Variants in EIPR1 observed in about 807,000 individuals in gnomAD.
The protein encoded by EIPR1 is EARP and GARP complex-interacting protein 1.
In EIPR1, 25 loss-of-function variants were observed where a neutral mutation model predicts 48.1. The observed-to-expected ratio is 0.52, with a 90% confidence interval of 0.38 to 0.73. EIPR1 has a LOEUF of 0.73. Ranked by LOEUF, EIPR1 falls within the 30% of genes least tolerant of loss-of-function variation. EIPR1 has a pLI of 0.00. For synonymous variants in EIPR1, 204 were observed against 201.9 expected (o/e 1.01, Z -0.09); for missense variants, 415 against 506.2 (o/e 0.82, Z 1.73).
intron 4 of EIPR1, among the ~76,000 whole-genome samples, chr2:3,230,877 A>G (rs1205859757): frequency 3.3e-5 from 5 of 152,168 alleles, no homozygotes; most frequent in Non-Finnish European, 5.9e-5. Context: ...TTCTGTTTCT[A>G]TGGATAAATG....
chr2:3,205,030 A>G (rs1665181654), intron 5 of EIPR1, among the ~76,000 whole-genome samples: 1 of 152,242 alleles, frequency 6.6e-6, no homozygotes, highest in African/African-American at 2.4e-5. Context: ...GGAAGCACGC[A>G]CCACCCTCTC....
chr2:3,251,177 A>G (rs1183258669), intron 4 of EIPR1, among the ~76,000 whole-genome samples: 1 of 152,186 alleles, frequency 6.6e-6, no homozygotes, highest in Non-Finnish European at 1.5e-5. Context: ...CACAGAGGGA[A>G]CTCATCTGAA....
intron 3 of EIPR1, among the ~76,000 whole-genome samples, chr2:3,291,579 A>T (rs1256192778): frequency 2.0e-5 from 3 of 152,194 alleles, no homozygotes; most frequent in African/African-American, 4.8e-5. Context: ...CTCCTAAAAA[A>T]TTGGTTTTTA....
chr2:3,189,609 G>T lies in EIPR1; in HGVS notation c.990-101C>A. The T allele has an allele frequency of 8.6e-7, 1 of 1,165,442 alleles. No individual in the cohort carries two copies. The highest frequency in any genetic ancestry group is 1.2e-6 in the Non-Finnish European group (1 of 864,110). 72.2% of individuals were successfully genotyped at this position (1,165,442 alleles called of 1,614,324 possible). Reference sequence around the variant, plus strand: ...GCGCTGACATCGGGAGACACGGGAGGTACTGGGGCCTCAGCTTTCTCCGCT... The same window carrying T: ...GCGCTGACATCGGGAGACACGGGAGTTACTGGGGCCTCAGCTTTCTCCGCT... On this transcript the variant is annotated intron_variant, in intron 8 of 8. Coordinates refer to ENST00000382125, the MANE Select transcript of EIPR1 (RefSeq NM_003310.5). The surrounding 1 kb of genome is among the most constrained non-coding windows in gnomAD (Gnocchi z 4.6).
At chr2:3,202,774 C>G (rs1665094418) in intron 5 of EIPR1, among the ~76,000 whole-genome samples, 1 of 152,222 alleles carries the variant, frequency 6.6e-6, no homozygotes, top group African/African-American at 2.4e-5. Context: ...AAATGGAGCA[C>G]CGCTTGCGTC....
chr2:3,239,816 T>C (rs1316135852), intron 4 of EIPR1, among the ~76,000 whole-genome samples: 9 of 152,390 alleles, frequency 5.9e-5, no homozygotes, highest in East Asian at 5.8e-4. Context: ...TCTTATTTTC[T>C]TTCCATCTCC....
At chr2:3,260,004 C>T (rs1233868652) in intron 3 of EIPR1, among the ~76,000 whole-genome samples, 2 of 152,092 alleles carry the variant, frequency 1.3e-5, no homozygotes, top group Non-Finnish European at 2.9e-5. Context: ...ATCTTCTCAG[C>T]CTTGGGACAA....
At chr2:3,298,640 G>A (rs559431477) in intron 3 of EIPR1, among the ~76,000 whole-genome samples, 9 of 151,990 alleles carry the variant, frequency 5.9e-5, no homozygotes, top group East Asian at 1.9e-4. Flanking sequence ...AGAAGATGTC[G>A]TGGGTTCTTG....
intron 3 of EIPR1, among the ~76,000 whole-genome samples, chr2:3,293,181 G>A (rs1668421375): frequency 2.0e-5 from 3 of 152,298 alleles, no homozygotes; most frequent in East Asian, 1.9e-4. Flanking sequence ...GGTGAGTTGA[G>A]CTTAACTCAG....
At chr2:3,246,359 T>C (rs1197857193) in intron 4 of EIPR1, among the ~76,000 whole-genome samples, 1 of 152,206 alleles carries the variant, frequency 6.6e-6, no homozygotes, top group East Asian at 1.9e-4. Flanking sequence ...AGCCAAATCC[T>C]GCTTTTTGAA....
chr2:3,304,680 G>A (rs71444245), intron 3 of EIPR1, among the ~76,000 whole-genome samples: 21,077 of 97,672 alleles, frequency 0.22, 2,601 homozygotes, highest in Non-Finnish European at 0.23. Context: ...CTCCACTCCC[G>A]TCCTGTTCAA....
chr2:3,330,842 GC>G (rs1194792613), intron 3 of EIPR1, among the ~76,000 whole-genome samples: 1 of 151,552 alleles, frequency 6.6e-6, no homozygotes, highest in Non-Finnish European at 1.5e-5. Flanking sequence ...GATGGTGTGA[GC>G]AGAGACAGGT....
At chr2:3,269,538 ATCGCACTCAG>A (rs1358244029) in intron 3 of EIPR1, among the ~76,000 whole-genome samples, 8 of 142,426 alleles carry the variant, frequency 5.6e-5, no homozygotes, top group East Asian at 2.2e-4. Context: ...GCACTCAGTC[ATCGCACTCAG>A]TCATCGCACT....
chr2:3,211,225 T>C (rs1424553266), intron 5 of EIPR1, among the ~76,000 whole-genome samples: 1 of 152,206 alleles, frequency 6.6e-6, no homozygotes, highest in Non-Finnish European at 1.5e-5. Flanking sequence ...GGGTCGCTGC[T>C]GGAACCAGCA....
At chr2:3,329,991 C>T (rs1321567080) in intron 3 of EIPR1, among the ~76,000 whole-genome samples, 1 of 152,054 alleles carries the variant, frequency 6.6e-6, no homozygotes, top group African/African-American at 2.4e-5. Context: ...TCTCGAGGTG[C>T]CAGCCTGGGC....
chr2:3,333,431 T>C (rs193271420), intron 3 of EIPR1, among the ~76,000 whole-genome samples: 2 of 152,124 alleles, frequency 1.3e-5, no homozygotes, highest in East Asian at 1.9e-4. Flanking sequence ...TCTCCTTTCC[T>C]CCCCATAAGA....
intron 3 of EIPR1, among the ~76,000 whole-genome samples, chr2:3,257,731 C>T (rs1667205588): frequency 6.6e-6 from 1 of 152,118 alleles, no homozygotes; most frequent in South Asian, 2.1e-4. Flanking sequence ...TCCTCAAAAT[C>T]GATTTCCTTC....
At chr2:3,221,018 AATGGC>A (rs1558232951) in intron 4 of EIPR1, among the ~76,000 whole-genome samples, 34 of 50,566 alleles carry the variant, frequency 6.7e-4, no homozygotes, top group African/African-American at 2.4e-3. Context: ...ACATGCACAC[AATGGC>A]CGACGTACAC....
intron 3 of EIPR1, among the ~76,000 whole-genome samples, chr2:3,316,406 C>T (rs1311567934): frequency 2.0e-5 from 3 of 152,148 alleles, no homozygotes; most frequent in African/African-American, 7.2e-5. Flanking sequence ...GGCTTAAGTA[C>T]TTATCTATTT....
Sources: allele counts gnomAD v4.1 joint callset (sites outside exome capture counted in the v4.1 genomes callset), GRCh38; gene constraint gnomAD v4.1.1; non-coding constraint Gnocchi (gnomAD v3.1); transcripts MANE v1.5; gene names NCBI Gene and HGNC (gene_info 2026-07-23, HGNC 2026-07-21).